Variants in EXOC6B observed in about 807,000 individuals in gnomAD.
The protein encoded by EXOC6B is SEC15 homolog B.
Under a neutral mutation model 113.5 loss-of-function variants are expected in EXOC6B, and 54 were observed. The observed-to-expected ratio is 0.48, with a 90% CI of 0.38 to 0.60. The LOEUF (loss-of-function observed/expected upper bound fraction) is 0.60. Ranked by LOEUF, EXOC6B falls within the 20% of genes least tolerant of loss-of-function variation. The pLI, the probability that EXOC6B is intolerant of heterozygous loss-of-function variation, is 0.00. For missense variants in EXOC6B, 797 were observed against 977.5 expected (o/e 0.82, Z 2.46); for synonymous variants, 357 against 339.0 (o/e 1.05, Z -0.58).
chr2:72,457,421 G>A (rs971676611), intron 18 of EXOC6B, among the ~76,000 whole-genome samples: 8 of 152,020 alleles, frequency 5.3e-5, no homozygotes, highest in Admixed American at 2.6e-4. Flanking sequence ...TGTATTACTA[G>A]ACAAAGAAAC....
rs370769018 is a variant in EXOC6B at position 72,407,966 on chromosome 2, C to G, written c.1981-28096G>C. Among the ~76,000 whole-genome samples the G allele has an allele frequency of 3.4e-4, 51 of 152,168 alleles. 1 individual carries two copies. The East Asian group carries it at 8.9e-3, about 27-fold the overall frequency. ...GACATGATTGTATATCTAGAAAACC[C>G]CATCGTCTCAGCCCAAAATCTCCTT... On this transcript the variant is annotated intron_variant, in intron 18 of 21. Coordinates refer to ENST00000272427, the MANE Select transcript of EXOC6B (RefSeq NM_015189.3).
chr2:72,505,066 G>T (rs372876294), intron 11 of EXOC6B, among the ~76,000 whole-genome samples: 11 of 151,800 alleles, frequency 7.2e-5, no homozygotes, highest in African/African-American at 2.7e-4. Context: ...CTTTTGTGAG[G>T]TTTTTTTCTT....
intron 18 of EXOC6B, among the ~76,000 whole-genome samples, chr2:72,393,935 A>G (rs1692553654): frequency 6.6e-6 from 1 of 152,202 alleles, no homozygotes; most frequent in Admixed American, 6.5e-5. Flanking sequence ...AAAGATAAAT[A>G]GAAAAATTAC....
chr2:72,509,119 T>C (rs1227084068), intron 11 of EXOC6B, among the ~76,000 whole-genome samples: 1 of 152,070 alleles, frequency 6.6e-6, no homozygotes. Flanking sequence ...ATTGTTCTCC[T>C]TATAAAAAGA....
intron 19 of EXOC6B, among the ~76,000 whole-genome samples, chr2:72,362,229 G>A (rs1338041533): frequency 6.6e-6 from 1 of 152,090 alleles, no homozygotes; most frequent in Admixed American, 6.6e-5. Context: ...AAAGATTCAT[G>A]GATCCTGGGA....
intron 1 of EXOC6B, among the ~76,000 whole-genome samples, chr2:72,814,986 G>A (rs1354839147): frequency 1.3e-5 from 2 of 152,098 alleles, no homozygotes; most frequent in East Asian, 1.9e-4. Flanking sequence ...GCGAGACTCC[G>A]TCTCAAAAAA....
intron 6 of EXOC6B, among the ~76,000 whole-genome samples, chr2:72,643,058 A>G (rs1212408038): frequency 2.0e-5 from 3 of 152,144 alleles, no homozygotes; most frequent in Non-Finnish European, 4.4e-5. Context: ...CAAAACCACA[A>G]TGAGATACCA....
chr2:72,612,822 T>G (rs1671157479), intron 6 of EXOC6B, among the ~76,000 whole-genome samples: 1 of 152,236 alleles, frequency 6.6e-6, no homozygotes, highest in South Asian at 2.1e-4. Flanking sequence ...TAAGCCCCAC[T>G]GTTTCAAGTT....
At chr2:72,409,312 T>C (rs978769065) in intron 18 of EXOC6B, among the ~76,000 whole-genome samples, 2 of 152,210 alleles carry the variant, frequency 1.3e-5, no homozygotes, top group Non-Finnish European at 2.9e-5. Flanking sequence ...AGTGTGGCAA[T>C]TCCTCAGTGA....
chr2:72,563,635 G>T (rs1704007945), intron 7 of EXOC6B, among the ~76,000 whole-genome samples: 1 of 152,080 alleles, frequency 6.6e-6, no homozygotes, highest in Non-Finnish European at 1.5e-5. Flanking sequence ...TACTACAGAA[G>T]ATATACAGAT....
intron 6 of EXOC6B, among the ~76,000 whole-genome samples, chr2:72,678,222 TCA>T (rs1676450983): frequency 6.6e-6 from 1 of 152,178 alleles, no homozygotes. Context: ...CAACAGCTGT[TCA>T]CACTTTCAAT....
At chr2:72,415,588 T>G (rs1694472850) in intron 18 of EXOC6B, among the ~76,000 whole-genome samples, 1 of 151,210 alleles carries the variant, frequency 6.6e-6, no homozygotes, top group Non-Finnish European at 1.5e-5. Flanking sequence ...GTGTCCAAAG[T>G]GTGATGATCG....
rs1297684586 is a variant in EXOC6B, at chr2:72,465,326, G to A, written c.1814C>T (p.Ala605Val). 6.3e-7 allele frequency: 1 copy of A among 1,583,386 alleles called. No homozygotes were observed. Among genetic ancestry groups the A allele is most frequent in the African/African-American group, 1.4e-5 (1 of 74,024 alleles). The change falls in exon 18 of 22, where the codon GCA becomes GTA. Residue 605 changes from alanine to valine, a missense_variant. Transcript: ENST00000272427. ...GTTTFKDARH[A>V]AEEEIYTNLN... Reference sequence around the variant, plus strand: ...GTTGGTATAAATCTCTTCTTCAGCTGCATGTCTAGCATCCTGTGAAAAAAT... The same window carrying A: ...GTTGGTATAAATCTCTTCTTCAGCTACATGTCTAGCATCCTGTGAAAAAAT...
intron 20 of EXOC6B, among the ~76,000 whole-genome samples, chr2:72,269,636 C>A (rs1382687628): frequency 6.6e-6 from 1 of 152,074 alleles, no homozygotes; most frequent in Non-Finnish European, 1.5e-5. Flanking sequence ...CAGAGGGAGA[C>A]CCTCTCTTAA....
At chr2:72,542,534 A>C (rs1257593880) in intron 8 of EXOC6B, among the ~76,000 whole-genome samples, 2 of 152,338 alleles carry the variant, frequency 1.3e-5, no homozygotes, top group East Asian at 3.9e-4. Context: ...ACAATTTAAA[A>C]TAAATCAATT....
At chr2:72,241,694 C>A (rs1030756951) in intron 20 of EXOC6B, among the ~76,000 whole-genome samples, 4 of 151,724 alleles carry the variant, frequency 2.6e-5, no homozygotes, top group Admixed American at 6.6e-5. Context: ...ACCATGGAAG[C>A]AAGAAGATAG....
intron 18 of EXOC6B, among the ~76,000 whole-genome samples, chr2:72,403,553 C>T (rs1373459627): frequency 2.0e-5 from 3 of 151,844 alleles, no homozygotes; most frequent in Non-Finnish European, 2.9e-5. Context: ...AAAAAATAAC[C>T]CAGGCATGGT....
At chr2:72,626,639 GT>G (rs1315663074) in intron 6 of EXOC6B, among the ~76,000 whole-genome samples, 1 of 152,002 alleles carries the variant, frequency 6.6e-6, no homozygotes, top group East Asian at 1.9e-4. Context: ...ATGTGTAATA[GT>G]TTTGTCTTCT....
intron 18 of EXOC6B, among the ~76,000 whole-genome samples, chr2:72,382,553 G>A (rs1330008063): frequency 6.6e-6 from 1 of 151,984 alleles, no homozygotes; most frequent in African/African-American, 2.4e-5. Context: ...AAATAGTTTA[G>A]TTCTGTGAAG....
Sources: gnomAD v4.1 joint callset for allele counts (sites outside exome capture counted in the v4.1 genomes callset) on GRCh38, gnomAD v4.1.1 for gene constraint, MANE v1.5 for transcripts, NCBI Gene and HGNC (gene_info 2026-07-23, HGNC 2026-07-21) for gene names.